Variants in C14orf132 observed in about 807,000 individuals in gnomAD.
C14orf132 encodes chromosome 14 open reading frame 132.
C14orf132 carries 6 observed loss-of-function variants against 5.8 expected under a neutral mutation model. The observed-to-expected ratio is 1.03, with a 90% CI of 0.57 to 2.04. The LOEUF (loss-of-function observed/expected upper bound fraction) is 2.04. C14orf132 is among the 30% of genes most tolerant of loss of function. The pLI, the probability that C14orf132 is intolerant of heterozygous loss-of-function variation, is 0.00. For synonymous variants in C14orf132, 51 were observed against 49.8 expected, an observed-to-expected ratio of 1.02 and a Z score of -0.10; for missense variants, 125 against 115.8, an observed-to-expected ratio of 1.08 and a Z score of -0.37.
chr14:96,044,108 G>A (rs955767111), intron 1 of C14orf132, among the ~76,000 whole-genome samples: 2 of 152,226 alleles, frequency 1.3e-5, no homozygotes, highest in African/African-American at 4.8e-5. Context: ...GGGACCCTCT[G>A]TGGATCAGCT....
intron 1 of C14orf132, among the ~76,000 whole-genome samples, chr14:96,045,358 C>A (rs1886803098): frequency 6.6e-6 from 1 of 152,164 alleles, no homozygotes; most frequent in African/African-American, 2.4e-5. Flanking sequence ...GCAGAGGGAA[C>A]TGTGTGCACA....
At chr14:96,055,559 C>A (rs939836327) in intron 1 of C14orf132, among the ~76,000 whole-genome samples, 1 of 152,158 alleles carries the variant, frequency 6.6e-6, no homozygotes, top group Non-Finnish European at 1.5e-5. Flanking sequence ...TACATCTGGG[C>A]CTGCATCTCA....
At chr14:96,075,587 T>A (rs8017580) in intron 1 of C14orf132, among the ~76,000 whole-genome samples, 6 of 152,006 alleles carry the variant, frequency 3.9e-5, no homozygotes, top group Non-Finnish European at 7.4e-5. Flanking sequence ...CTTTATCAGA[T>A]CCAGGAAGTT....
intron 1 of C14orf132, among the ~76,000 whole-genome samples, chr14:96,043,136 T>C (rs534019055): frequency 6.6e-6 from 1 of 152,212 alleles, no homozygotes; most frequent in Non-Finnish European, 1.5e-5. Flanking sequence ...GGACTGTCCT[T>C]GGTGAAGAGA....
chr14:96,063,966 G>GA, intron 1 of C14orf132, among the ~76,000 whole-genome samples: 1 of 152,202 alleles, frequency 6.6e-6, no homozygotes, highest in African/African-American at 2.4e-5. Flanking sequence ...ACAAACATAT[G>GA]AAAAAATGCT....
At position 96,039,602 on chromosome 14, in the gene C14orf132, C is replaced by T; in HGVS notation, c.27+75C>T. On this transcript the variant is annotated intron_variant, in intron 1 of 1. Coordinates refer to ENST00000555004, the MANE Select transcript of C14orf132 (RefSeq NM_001252507.3). The surrounding 1 kb of genome is among the most constrained non-coding windows in gnomAD (Gnocchi z 5.3). Reference sequence around the variant, plus strand: ...TTCGGGGCCACGGTCTCGCCCTCCACGCTGGGGCTGGGCAGTGGCGCCCGC... The same window carrying T: ...TTCGGGGCCACGGTCTCGCCCTCCATGCTGGGGCTGGGCAGTGGCGCCCGC... The T allele has an allele frequency of 1.4e-6, 2 of 1,409,274 alleles. No homozygotes were observed. The highest frequency in any genetic ancestry group is 1.9e-6 in the Non-Finnish European group (2 of 1,064,990). The allele number at this position is 1,409,274 out of a possible 1,614,324, so 87.3% of individuals were successfully genotyped here.
chr14:96,041,361 C>T (rs1216891384), intron 1 of C14orf132, among the ~76,000 whole-genome samples: 1 of 152,200 alleles, frequency 6.6e-6, no homozygotes, highest in East Asian at 1.9e-4. Context: ...TGCCCAAGAG[C>T]ATGCCATTTG....
chr14:96,077,816 G>A (rs1887919739), intron 1 of C14orf132, among the ~76,000 whole-genome samples: 1 of 152,226 alleles, frequency 6.6e-6, no homozygotes, highest in African/African-American at 2.4e-5. Context: ...TGTCTTGCAG[G>A]TGCACCCCTC....
intron 1 of C14orf132, among the ~76,000 whole-genome samples, chr14:96,057,196 C>T (rs986270638): frequency 6.6e-6 from 1 of 152,176 alleles, no homozygotes; most frequent in African/African-American, 2.4e-5. Flanking sequence ...AGGGCTTAAC[C>T]CCCTCATGAA....
At chr14:96,084,338 A>AG (rs893645458) in intron 1 of C14orf132, among the ~76,000 whole-genome samples, 7 of 151,740 alleles carry the variant, frequency 4.6e-5, no homozygotes, top group Non-Finnish European at 8.8e-5. Flanking sequence ...CCCAAGAGGA[A>AG]AAAAGCACAG....
At chr14:96,051,073 C>G (rs1887011498) in intron 1 of C14orf132, 1 of 398,088 alleles carries the variant, frequency 2.5e-6, no homozygotes. Flanking sequence ...CTCTTTCTCC[C>G]TGTCTCCCAA....
intron 1 of C14orf132, among the ~76,000 whole-genome samples, chr14:96,044,140 C>A (rs1566821845): frequency 6.6e-6 from 1 of 152,128 alleles, no homozygotes; most frequent in African/African-American, 2.4e-5. Context: ...TCCATCCAGG[C>A]GGTTGTGTTT....
At chr14:96,051,882 C>T (rs1887037090) in intron 1 of C14orf132, among the ~76,000 whole-genome samples, 1 of 152,264 alleles carries the variant, frequency 6.6e-6, no homozygotes. Flanking sequence ...TGAGAGCACA[C>T]ATTGCATACA....
At chr14:96,069,181 A>ATATATATATATATATATG (rs1474201408) in intron 1 of C14orf132, among the ~76,000 whole-genome samples, 28 of 109,004 alleles carry the variant, frequency 2.6e-4, no homozygotes, top group African/African-American at 5.4e-4. Flanking sequence ...ATATATATGT[A>ATATATATATATATATATG]TATATATATA....
chr14:96,078,427 CA>C (rs1335400931), intron 1 of C14orf132, among the ~76,000 whole-genome samples: 2 of 152,184 alleles, frequency 1.3e-5, no homozygotes, highest in African/African-American at 4.8e-5. Context: ...ATAAAAAAGG[CA>C]AAAACCCCAG....
At chr14:96,051,247 G>A (rs1887018076) in intron 1 of C14orf132, 1 of 398,564 alleles carries the variant, frequency 2.5e-6, no homozygotes, top group African/African-American at 2.1e-5. Context: ...GATGTTCCAT[G>A]AGACATTGAG....
rs934956437 is a variant in C14orf132, at chr14:96,090,759, C to G, written c.*4024C>G. On this transcript the variant is annotated 3_prime_UTR_variant, in exon 2 of 2. Transcript: ENST00000555004. ...AAGGCAGCAGATGCTTTTCCAGCCC[C>G]GGTTCAGCTGGAAGGCTTGGAGGCT... The G allele has an allele frequency of 4.4e-6, 2 of 456,018 alleles. No individual in the cohort carries two copies. The highest frequency in any genetic ancestry group is 8.8e-6 in the Non-Finnish European group (2 of 226,788). 28.2% of individuals were successfully genotyped at this position (456,018 alleles called of 1,614,324 possible).
chr14:96,075,150 G>T (rs1038139211), intron 1 of C14orf132, among the ~76,000 whole-genome samples: 6 of 152,130 alleles, frequency 3.9e-5, no homozygotes, highest in African/African-American at 1.4e-4. Context: ...TCTAGGCTAA[G>T]TATTTTATTT....
chr14:96,043,772 C>T (rs1886758463), intron 1 of C14orf132, among the ~76,000 whole-genome samples: 2 of 152,272 alleles, frequency 1.3e-5, no homozygotes, highest in African/African-American at 4.8e-5. Flanking sequence ...CACCCTTAGG[C>T]CATTAAAAAC....
Sources: allele counts gnomAD v4.1 joint callset (sites outside exome capture counted in the v4.1 genomes callset), GRCh38; gene constraint gnomAD v4.1.1; non-coding constraint Gnocchi (gnomAD v3.1); transcripts MANE v1.5; gene names NCBI Gene and HGNC (gene_info 2026-07-23, HGNC 2026-07-21).